ANKS1B: variants seen among roughly 807,000 people sequenced by gnomAD.
ANKS1B encodes ankyrin repeat and sterile alpha motif domain containing 1B.
ANKS1B carries 36 observed loss-of-function variants against 148.3 expected under a neutral mutation model. The observed-to-expected ratio is 0.24, with a 90% CI of 0.19 to 0.32. The LOEUF is 0.32. Among genes scored for constraint, ANKS1B ranks in the 10% least tolerant of loss-of-function variants. The pLI is 1.00. For missense variants in ANKS1B, 1,157 were observed against 1,542.6 expected, an observed-to-expected ratio of 0.75 and a Z score of 4.19; for synonymous variants, 542 against 560.8, an observed-to-expected ratio of 0.97 and a Z score of 0.47.
chr12:98,791,957 C>T (rs1341658930), intron 22 of ANKS1B, among the ~76,000 whole-genome samples: 1 of 152,170 alleles, frequency 6.6e-6, no homozygotes, highest in South Asian at 2.1e-4. Flanking sequence ...TTTTCCAACC[C>T]ATTCCCTCTA....
chr12:99,874,769 A>G (rs1481659554), intron 1 of ANKS1B, among the ~76,000 whole-genome samples: 1 of 152,208 alleles, frequency 6.6e-6, no homozygotes, highest in African/African-American at 2.4e-5. Flanking sequence ...TTATAACTGG[A>G]CAATTTGCTT....
chr12:98,974,736 G>A (rs2099889768), intron 17 of ANKS1B, among the ~76,000 whole-genome samples: 1 of 152,116 alleles, frequency 6.6e-6, no homozygotes, highest in Non-Finnish European at 1.5e-5. Context: ...GTTAACTCAG[G>A]AAGCCAAGGA....
At chr12:99,118,014 G>C (rs917234027) in intron 15 of ANKS1B, among the ~76,000 whole-genome samples, 1 of 152,118 alleles carries the variant, frequency 6.6e-6, no homozygotes, top group African/African-American at 2.4e-5. Context: ...TCTGATGGTA[G>C]CTTGTATTTC....
chr12:98,834,225 T>C (rs770090542), intron 17 of ANKS1B, among the ~76,000 whole-genome samples: 80 of 152,348 alleles, frequency 5.3e-4, no homozygotes, highest in Admixed American at 9.1e-4. Context: ...CTCTTTTCCA[T>C]AAATCATTTC....
intron 9 of ANKS1B, among the ~76,000 whole-genome samples, chr12:99,537,806 G>A (rs1055462001): frequency 2.1e-4 from 32 of 151,980 alleles, no homozygotes; most frequent in African/African-American, 7.3e-4. Context: ...CTGTGCTTAT[G>A]GTATATTGCT....
intron 14 of ANKS1B, among the ~76,000 whole-genome samples, chr12:99,219,010 T>C (rs1243061204): frequency 1.3e-5 from 2 of 152,220 alleles, no homozygotes; most frequent in East Asian, 3.9e-4. Flanking sequence ...TTCAGCTTGA[T>C]TGACACAAAT....
intron 17 of ANKS1B, among the ~76,000 whole-genome samples, chr12:98,984,307 C>G (rs982502004): frequency 6.6e-6 from 1 of 152,218 alleles, no homozygotes. Flanking sequence ...ATAGTATACA[C>G]TCAGACTTTT....
In ANKS1B at chr12:99,129,918, G is replaced by A. The variant is rs541896484; in HGVS notation, c.2526+24371C>T. Among the ~76,000 whole-genome samples, 27 of 152,214 alleles carry A rather than the reference G, an allele frequency of 1.8e-4. 1 individual carries two copies. Among genetic ancestry groups the A allele is most frequent in the African/African-American group, 5.8e-4 (24 of 41,530 alleles). On this transcript the variant is annotated intron_variant, in intron 15 of 26. Transcript: ENST00000683438. ...TTTAAACTTATCAGTGCACAAGAAC[G>A]GGATGAATGCTTATCCAGTATTTCT...
chr12:99,422,515 T>C (rs1397610675), intron 11 of ANKS1B, among the ~76,000 whole-genome samples: 2 of 152,140 alleles, frequency 1.3e-5, no homozygotes, highest in African/African-American at 2.4e-5. Flanking sequence ...GAAGGAGATG[T>C]AGAAATTAGC....
At chr12:99,626,122 C>T (rs556976408) in intron 9 of ANKS1B, among the ~76,000 whole-genome samples, 4 of 152,188 alleles carry the variant, frequency 2.6e-5, no homozygotes, top group African/African-American at 9.6e-5. Flanking sequence ...AAATGAAATG[C>T]TCTAACCTGA....
chr12:99,152,911 C>T (rs1414729037), intron 15 of ANKS1B, among the ~76,000 whole-genome samples: 1 of 152,104 alleles, frequency 6.6e-6, no homozygotes, highest in Non-Finnish European at 1.5e-5. Flanking sequence ...TGTTCTAAGA[C>T]TTTCATAGCA....
rs572531489 is a variant in ANKS1B at position 99,269,781 on chromosome 12, G to A, written c.1757-22917C>T. ...TCACCTTGTTAGCCAGGATGGTCTC[G>A]ATCTCCTGACCTCGTGATCTGCCCG... On this transcript the variant is annotated intron_variant, in intron 12 of 26. Transcript: ENST00000683438. 3.9e-5 allele frequency among the ~76,000 whole-genome samples: 6 copies of A among 152,222 alleles called. No homozygotes were observed. In the East Asian group the frequency reaches 1.2e-3, roughly 29 times the overall value.
At chr12:99,380,860 T>C (rs2093617049) in intron 12 of ANKS1B, among the ~76,000 whole-genome samples, 1 of 151,824 alleles carries the variant, frequency 6.6e-6, no homozygotes, top group African/African-American at 2.4e-5. Context: ...AACACCATAA[T>C]AGGTGCTAGA....
chr12:98,789,674 G>T (rs2098830658), intron 22 of ANKS1B, among the ~76,000 whole-genome samples: 1 of 152,104 alleles, frequency 6.6e-6, no homozygotes, highest in Non-Finnish European at 1.5e-5. Flanking sequence ...TTTAGGTAAA[G>T]GGTGTTACCC....
At chr12:99,338,844 T>C (rs1394348325) in intron 12 of ANKS1B, among the ~76,000 whole-genome samples, 2 of 152,166 alleles carry the variant, frequency 1.3e-5, no homozygotes, top group Non-Finnish European at 2.9e-5. Context: ...ACTGGGAGCC[T>C]CAGGAGTTAG....
chr12:99,232,690 G>A (rs550141018), intron 14 of ANKS1B, among the ~76,000 whole-genome samples: 30 of 152,192 alleles, frequency 2.0e-4, no homozygotes, highest in African/African-American at 6.7e-4. Flanking sequence ...CAATGACAAT[G>A]GTTAAAGAAA....
At chr12:98,765,331 C>CTTG (rs1159440262) in intron 25 of ANKS1B, among the ~76,000 whole-genome samples, 2 of 152,164 alleles carry the variant, frequency 1.3e-5, no homozygotes, top group Non-Finnish European at 2.9e-5. Context: ...GTGGCACCAT[C>CTTG]TTGGCTCACT....
chr12:98,855,527 TC>T (rs2099563636), intron 17 of ANKS1B, among the ~76,000 whole-genome samples: 2 of 152,364 alleles, frequency 1.3e-5, no homozygotes, highest in South Asian at 4.1e-4. Flanking sequence ...TTCTGGTTCT[TC>T]ACCAGAACTA....
intron 9 of ANKS1B, among the ~76,000 whole-genome samples, chr12:99,595,389 G>A (rs779516236): frequency 5.9e-5 from 9 of 151,762 alleles, no homozygotes; most frequent in South Asian, 2.1e-4. Context: ...AAAATTGTGT[G>A]AAAATAGTAT....
Sources: gnomAD v4.1 joint callset for allele counts (sites outside exome capture counted in the v4.1 genomes callset) on GRCh38, gnomAD v4.1.1 for gene constraint, MANE v1.5 for transcripts, NCBI Gene and HGNC (gene_info 2026-07-23, HGNC 2026-07-21) for gene names.